GNG7: variants seen among roughly 807,000 people sequenced by gnomAD.
GNG7 encodes G protein subunit gamma 7.
Under a neutral mutation model 4.0 loss-of-function variants are expected in GNG7, and 1 was observed. That is an observed-to-expected ratio of 0.25 (90% CI 0.09 to 1.18). The LOEUF (loss-of-function observed/expected upper bound fraction) is 1.18. Among genes scored for constraint, GNG7 ranks in the 50% most tolerant of loss-of-function variants. The pLI, the probability that GNG7 is intolerant of heterozygous loss-of-function variation, is 0.50. For synonymous variants in GNG7, 34 were observed against 36.9 expected, an observed-to-expected ratio of 0.92 and a Z score of 0.29; for missense variants, 86 against 91.9, an observed-to-expected ratio of 0.94 and a Z score of 0.26.
At chr19:2,647,558 A>T (rs1982698030) in intron 1 of GNG7, among the ~76,000 whole-genome samples, 1 of 152,108 alleles carries the variant, frequency 6.6e-6, no homozygotes, top group Non-Finnish European at 1.5e-5. Flanking sequence ...TTGACAAAAA[A>T]AATTTAAAAA....
At chr19:2,585,595 A>G (rs10423335) in intron 2 of GNG7, among the ~76,000 whole-genome samples, 54,804 of 152,038 alleles carry the variant, frequency 0.36, 11,252 homozygotes, top group African/African-American at 0.54. Context: ...AGAGATTTTA[A>G]CAGTCTTCAT....
intron 1 of GNG7, among the ~76,000 whole-genome samples, chr19:2,647,245 C>T (rs1215023356): frequency 6.6e-6 from 1 of 152,202 alleles, no homozygotes. Flanking sequence ...GCAGAACCAG[C>T]CCCCATAGGA....
At chr19:2,661,303 AG>A (rs1317593480) in intron 1 of GNG7, among the ~76,000 whole-genome samples, 5 of 3,062 alleles carry the variant, frequency 1.6e-3, no homozygotes, top group Admixed American at 3.0e-3. Flanking sequence ...AGAAAGAAAG[AG>A]AAAGAAAGAA....
chr19:2,553,998 CAT>C (rs1243585725), intron 3 of GNG7, among the ~76,000 whole-genome samples: 2 of 118,658 alleles, frequency 1.7e-5, no homozygotes, highest in Non-Finnish European at 3.6e-5. Context: ...ATATATTACA[CAT>C]ATGTATATAT....
At position 2,661,261 on chromosome 19, in the gene GNG7, G is replaced by GA. The variant is rs1555701512; in HGVS notation, c.-134-14982dup. Among the ~76,000 whole-genome samples, 72 of 71,382 alleles carry GA rather than the reference G, an allele frequency of 1.0e-3. 2 individuals carry two copies. Among genetic ancestry groups the GA allele is most frequent in the African/African-American group, 2.1e-3 (33 of 15,484 alleles). 46.8% of individuals were successfully genotyped at this position (71,382 alleles called of 152,430 possible). A position where few individuals can be genotyped will look rare whatever the true frequency, so the allele number is the denominator to read the frequency against. Reference sequence around the variant, plus strand: ...GAAAGAAAGAAAAGAAAGAAAGAAAGAAAGAAAGAAAAGAAAGAAAGAAAG... The same window carrying GA: ...GAAAGAAAGAAAAGAAAGAAAGAAAGAAAAGAAAGAAAAGAAAGAAAGAAAG... On this transcript the variant is annotated intron_variant, in intron 1 of 4. Coordinates refer to ENST00000382159, the MANE Select transcript of GNG7 (RefSeq NM_052847.3).
intron 2 of GNG7, among the ~76,000 whole-genome samples, chr19:2,637,251 G>A (rs75136605): frequency 0.052 from 7,970 of 151,928 alleles, 337 homozygotes; most frequent in South Asian, 0.19. Flanking sequence ...TGCTGTTGTC[G>A]TTGTTGTTTT....
At chr19:2,655,444 G>C (rs1166400120) in intron 1 of GNG7, among the ~76,000 whole-genome samples, 1 of 152,034 alleles carries the variant, frequency 6.6e-6, no homozygotes, top group African/African-American at 2.4e-5. Context: ...CGGGTGCGGT[G>C]GCTCATATCT....
intron 2 of GNG7, among the ~76,000 whole-genome samples, chr19:2,594,743 T>C (rs1290758917): frequency 6.6e-6 from 1 of 152,152 alleles, no homozygotes; most frequent in African/African-American, 2.4e-5. Context: ...TGTCTTATTA[T>C]CAACTTGCTC....
chr19:2,667,067 C>A (rs1004988893), intron 1 of GNG7, among the ~76,000 whole-genome samples: 7 of 152,228 alleles, frequency 4.6e-5, no homozygotes, highest in African/African-American at 1.7e-4. Context: ...CGCCTGTAAT[C>A]CCAGCACTTT....
intron 1 of GNG7, among the ~76,000 whole-genome samples, chr19:2,650,659 A>C (rs2144865472): frequency 6.6e-6 from 1 of 152,302 alleles, no homozygotes; most frequent in African/African-American, 2.4e-5. Context: ...CTTGGGTCAG[A>C]GGCGAGCACA....
intron 3 of GNG7, among the ~76,000 whole-genome samples, chr19:2,533,774 T>G (rs1256408199): frequency 2.0e-5 from 3 of 152,036 alleles, no homozygotes; most frequent in Admixed American, 6.6e-5. Context: ...AGATGAAAGG[T>G]AGAAAATGCA....
rs1361833355 is a variant in GNG7 at position 2,680,597 on chromosome 19, T to TG, written c.-135+22048dup. Among the ~76,000 whole-genome samples the TG allele has an allele frequency of 1.1e-4, 16 of 141,548 alleles. 1 individual carries two copies. The Admixed American group carries it at 1.2e-3, about 10-fold the overall frequency. The allele number at this position is 141,548 out of a possible 152,430, so 92.9% of individuals were successfully genotyped here. On this transcript the variant is annotated intron_variant, in intron 1 of 4. Transcript: ENST00000382159. ...TTTTTTTTTTTTTTTTTTTTTGAGA[T>TG]GGAGTTTCCCTCTTGTTGCCCAGGC...
At chr19:2,689,256 GA>G (rs150620532) in intron 1 of GNG7, among the ~76,000 whole-genome samples, 2 of 150,946 alleles carry the variant, frequency 1.3e-5, no homozygotes, top group South Asian at 4.2e-4. Flanking sequence ...TGTTATAGGG[GA>G]AAAAAAATAA....
At chr19:2,549,394 C>T (rs10401319) in intron 3 of GNG7, among the ~76,000 whole-genome samples, 45,822 of 151,000 alleles carry the variant, frequency 0.3, 7,252 homozygotes, top group East Asian at 0.43. Context: ...TGGGTTCAAG[C>T]AATTCTCTGC....
At chr19:2,638,453 G>C (rs1403381855) in intron 2 of GNG7, among the ~76,000 whole-genome samples, 2 of 39,944 alleles carry the variant, frequency 5.0e-5, no homozygotes. Flanking sequence ...GGGGAGGGGA[G>C]GGGGAGGGAA....
At position 2,602,324 on chromosome 19, in the gene GNG7, G is replaced by A. The variant is rs541941112; in HGVS notation, c.-78+43900C>T. ...TGCACTCCAGCCTGGGCGACAGAGC[G>A]AGACTCCGTCTCAAAACAACAACAG... is the stretch of plus-strand genomic sequence containing the variant. On this transcript the variant is annotated intron_variant, in intron 2 of 4. Coordinates refer to ENST00000382159, the MANE Select transcript of GNG7 (RefSeq NM_052847.3). Among the ~76,000 whole-genome samples the A allele has an allele frequency of 1.3e-4, 19 of 149,394 alleles. No individual in the cohort carries two copies. In the East Asian group the frequency reaches 3.8e-3, roughly 30 times the overall value.
chr19:2,696,474 G>C lies in GNG7; in HGVS notation c.-135+6172C>G, dbSNP rs1045074686. On this transcript the variant is annotated intron_variant, in intron 1 of 4. Transcript: ENST00000382159. ...AAGAACCACTAAACAAACATCCCAA[G>C]CTTCAGTGCAGTGGACTGCCTGTGC... Among the ~76,000 whole-genome samples the C allele has an allele frequency of 3.9e-5, 6 of 152,344 alleles. No individual in the cohort carries two copies. In the South Asian group the frequency reaches 1.2e-3, roughly 32 times the overall value.
chr19:2,644,131 C>A (rs980522145), intron 2 of GNG7, among the ~76,000 whole-genome samples: 1 of 151,784 alleles, frequency 6.6e-6, no homozygotes. Flanking sequence ...AGCAATCCTC[C>A]CACCTCAGCC....
At chr19:2,683,475 C>A (rs1377722923) in intron 1 of GNG7, 1 of 152,202 alleles carries the variant, frequency 6.6e-6, no homozygotes, top group Non-Finnish European at 1.5e-5. Context: ...GTGTGGTCTT[C>A]TTACCTGCTC....
Sources: gnomAD v4.1 joint callset for allele counts (sites outside exome capture counted in the v4.1 genomes callset) on GRCh38, gnomAD v4.1.1 for gene constraint, MANE v1.5 for transcripts, NCBI Gene and HGNC (gene_info 2026-07-23, HGNC 2026-07-21) for gene names.